PARD3B: variants seen among roughly 807,000 people sequenced by gnomAD.
PARD3B encodes the protein par-3 family cell polarity regulator beta.
PARD3B carries 103 observed loss-of-function variants against 130.2 expected under a neutral mutation model. The ratio of observed to expected loss-of-function variants is 0.79; its 90% confidence interval spans 0.67 to 0.93. The LOEUF (loss-of-function observed/expected upper bound fraction) is 0.93, where lower values mean the gene tolerates loss of function less well. Ranked by LOEUF, PARD3B falls within the 40% of genes least tolerant of loss-of-function variation. The probability of loss-of-function intolerance (pLI) is 0.00; values close to 1 mark genes in which losing one functional copy is unlikely to be tolerated. For synonymous variants in PARD3B, 583 were observed against 553.2 expected, an observed-to-expected ratio of 1.05 and a Z score of -0.76; for missense variants, 1,609 against 1,499.2, an observed-to-expected ratio of 1.07 and a Z score of -1.21.
intron 16 of PARD3B, among the ~76,000 whole-genome samples, chr2:205,266,215 A>G (rs568120980): frequency 6.6e-6 from 1 of 152,250 alleles, no homozygotes; most frequent in Non-Finnish European, 1.5e-5. Flanking sequence ...TCTAGAATAA[A>G]TTTTGAAAGC....
rs1156942382 is a variant in PARD3B, at chr2:205,575,217, CT to C, written c.3260+21815del. On this transcript the variant is annotated intron_variant, in intron 22 of 22. Transcript: ENST00000406610. This position sits in a 1 kb window ranked among gnomAD's most constrained non-coding sequence, Gnocchi z 4.6. ...CAATATAGATAGATACACATACACA[CT>C]GTTTTTAGTGCAGTTTCAGGTTCAC... Among the ~76,000 whole-genome samples, 1 of 152,004 alleles carries C rather than the reference CT, an allele frequency of 6.6e-6. No homozygotes were observed. Among genetic ancestry groups the C allele is most frequent in the African/African-American group, 2.4e-5 (1 of 41,366 alleles).
rs1419278027 is a variant in PARD3B, at chr2:205,435,655, C to T, written c.2742-4715C>T. ...TGTTTCTTGATGTATCAATTTTAGA[C>T]AGTAACTACTGATGCCTGCTTTATA... On this transcript the variant is annotated intron_variant, in intron 19 of 22. Coordinates refer to ENST00000406610, the MANE Select transcript of PARD3B (RefSeq NM_001302769.2). 2.0e-5 allele frequency among the ~76,000 whole-genome samples: 3 copies of T among 152,064 alleles called. No individual in the cohort carries two copies. In the East Asian group the frequency reaches 5.8e-4, roughly 29 times the overall value.
intron 2 of PARD3B, among the ~76,000 whole-genome samples, chr2:204,701,609 C>T (rs1024894872): frequency 2.6e-5 from 4 of 152,048 alleles, no homozygotes; most frequent in African/African-American, 9.7e-5. Context: ...TTGTTTTCTT[C>T]TGGATTTAAC....
rs189707496 is a variant in PARD3B, at chr2:205,572,367, G to A, written c.3260+18964G>A. 3.9e-5 allele frequency among the ~76,000 whole-genome samples: 6 copies of A among 152,310 alleles called. No homozygotes were observed. The highest frequency in any genetic ancestry group is 2.0e-4 in the Admixed American group (3 of 15,304). On this transcript the variant is annotated intron_variant, in intron 22 of 22. Coordinates refer to ENST00000406610, the MANE Select transcript of PARD3B (RefSeq NM_001302769.2). The surrounding 1 kb of genome is among the most constrained non-coding windows in gnomAD (Gnocchi z 4.2). ...TTTGACTCTACCCAGAAGGCCTCAGGCCCTTGAAGGTGTTTAAAGAAAGAA... is the reference window on the plus strand; with the variant it reads ...TTTGACTCTACCCAGAAGGCCTCAGACCCTTGAAGGTGTTTAAAGAAAGAA...
chr2:205,048,526 A>G (rs1172083037), intron 4 of PARD3B: 1 of 152,212 alleles, frequency 6.6e-6, no homozygotes, highest in Non-Finnish European at 1.5e-5. Flanking sequence ...AATCTTCGAT[A>G]ACATAGCCAT....
rs73053974 is a variant in PARD3B, at chr2:205,413,864, A to G, written c.2741+12741A>G. On this transcript the variant is annotated intron_variant, in intron 19 of 22. Transcript: ENST00000406610. ...TGGGCTTGTGTCCCCATCCCCTTTC[A>G]TTGACTTAAATTTAATCAGTTGAAA... Among the ~76,000 whole-genome samples the G allele has an allele frequency of 8.4e-3, 1,274 of 152,246 alleles. 18 individuals are homozygous for G. The highest frequency in any genetic ancestry group is 0.029 in the African/African-American group (1,220 of 41,546).
At chr2:205,284,980 TA>T (rs1457225921) in intron 16 of PARD3B, among the ~76,000 whole-genome samples, 2 of 128,046 alleles carry the variant, frequency 1.6e-5, no homozygotes, top group Admixed American at 1.9e-4. Context: ...GATTTTAAAA[TA>T]AGCACAAAAC....
At chr2:204,786,585 G>A (rs1179534029) in intron 2 of PARD3B, among the ~76,000 whole-genome samples, 1 of 151,806 alleles carries the variant, frequency 6.6e-6, no homozygotes, top group East Asian at 1.9e-4. Context: ...ACCAGGGGAG[G>A]TCACTGGAAC....
intron 15 of PARD3B, among the ~76,000 whole-genome samples, chr2:205,210,627 A>T (rs1260657665): frequency 6.6e-6 from 1 of 152,172 alleles, no homozygotes; most frequent in East Asian, 1.9e-4. Flanking sequence ...GATGTATTAA[A>T]GATATGAGGC....
chr2:205,255,750 G>C (rs2040055136), intron 16 of PARD3B, among the ~76,000 whole-genome samples: 1 of 152,158 alleles, frequency 6.6e-6, no homozygotes, highest in South Asian at 2.1e-4. Flanking sequence ...GAGATGAATA[G>C]AACAAGGTTG....
At chr2:204,974,597 CAAAT>C (rs933959820) in intron 3 of PARD3B, among the ~76,000 whole-genome samples, 94 of 152,230 alleles carry the variant, frequency 6.2e-4, no homozygotes, top group African/African-American at 2.2e-3. Context: ...GTTTTTAAAA[CAAAT>C]AGACTTTTTA....
intron 1 of PARD3B, among the ~76,000 whole-genome samples, chr2:204,580,571 A>G (rs1342684391): frequency 1.3e-5 from 2 of 152,212 alleles, no homozygotes; most frequent in Admixed American, 1.3e-4. Context: ...CACAGCAGAT[A>G]TACAAATAAC....
intron 12 of PARD3B, among the ~76,000 whole-genome samples, chr2:205,174,507 T>C (rs897295211): frequency 7.2e-5 from 11 of 152,258 alleles, no homozygotes; most frequent in Non-Finnish European, 1.5e-4. Context: ...TTGAAAAAAA[T>C]TGCAACTGTT....
intron 10 of PARD3B, among the ~76,000 whole-genome samples, chr2:205,143,415 T>G (rs1479875718): frequency 6.6e-6 from 1 of 152,166 alleles, no homozygotes; most frequent in Non-Finnish European, 1.5e-5. Flanking sequence ...ATACTTAACT[T>G]TGTTGGAAAA....
rs1037476787 is a variant in PARD3B at position 205,300,972 on chromosome 2, C to G, written c.2392+236C>G. Among the ~76,000 whole-genome samples, 1 of 152,228 alleles carries G rather than the reference C, an allele frequency of 6.6e-6. No individual in the cohort carries two copies. Among genetic ancestry groups the G allele is most frequent in the African/African-American group, 2.4e-5 (1 of 41,466 alleles). On this transcript the variant is annotated intron_variant, in intron 17 of 22. Transcript: ENST00000406610. The surrounding 1 kb of genome is among the most constrained non-coding windows in gnomAD (Gnocchi z 4.1). ...GCAAGGCTAAATAAATGTTCTCCTT[C>G]ACTTTTCTACAAGGACCAACTGTCA...
At chr2:204,877,813 T>C (rs79107805) in intron 2 of PARD3B, among the ~76,000 whole-genome samples, 1,938 of 152,298 alleles carry the variant, frequency 0.013, 37 homozygotes, top group African/African-American at 0.044. Context: ...CCAAATACTG[T>C]GTGTCAGTTT....
rs989601815 is a variant in PARD3B, at chr2:205,397,807, A to T, written c.2631-3206A>T. 6.6e-6 allele frequency among the ~76,000 whole-genome samples: 1 copy of T among 152,192 alleles called. No homozygotes were observed. The highest frequency in any genetic ancestry group is 2.4e-5 in the African/African-American group (1 of 41,452). ...TTTAATGACATTTTAAGCAAAAGTT[A>T]TGTATCTCAAGTGATGTACTGAGCT... On this transcript the variant is annotated intron_variant, in intron 18 of 22. Transcript: ENST00000406610. The surrounding 1 kb of genome is among the most constrained non-coding windows in gnomAD (Gnocchi z 4.8).
At chr2:204,715,062 A>G (rs892125920) in intron 2 of PARD3B, among the ~76,000 whole-genome samples, 2 of 152,240 alleles carry the variant, frequency 1.3e-5, no homozygotes, top group African/African-American at 2.4e-5. Context: ...TGAAGTGAAT[A>G]TAGAGTATAC....
At chr2:204,861,321 T>G (rs1363816034) in intron 2 of PARD3B, among the ~76,000 whole-genome samples, 1 of 152,056 alleles carries the variant, frequency 6.6e-6, no homozygotes, top group East Asian at 1.9e-4. Context: ...TATAACTTGG[T>G]TTTTCTAAAA....
Sources: gnomAD v4.1 joint callset for allele counts (sites outside exome capture counted in the v4.1 genomes callset) on GRCh38, gnomAD v4.1.1 for gene constraint, Gnocchi (gnomAD v3.1) non-coding constraint, MANE v1.5 for transcripts, NCBI Gene and HGNC (gene_info 2026-07-23, HGNC 2026-07-21) for gene names.